Variants in TSPAN8 observed in about 807,000 individuals in gnomAD.
TSPAN8 encodes the protein tetraspanin 8.
A neutral mutation model predicts 32.8 loss-of-function variants in TSPAN8; 21 were observed. That is an observed-to-expected ratio of 0.64 (90% CI 0.45 to 0.92). The LOEUF is 0.92. Among genes scored for constraint, TSPAN8 ranks in the 40% least tolerant of loss-of-function variants. TSPAN8 has a pLI of 0.00. For missense variants in TSPAN8, 269 were observed against 281.9 expected, an observed-to-expected ratio of 0.95 and a Z score of 0.33; for synonymous variants, 95 against 94.6, an observed-to-expected ratio of 1.00 and a Z score of -0.03.
intron 2 of TSPAN8, among the ~76,000 whole-genome samples, chr12:71,154,641 T>C (rs997927266): frequency 6.6e-6 from 1 of 152,226 alleles, no homozygotes; most frequent in Non-Finnish European, 1.5e-5. Context: ...AGATTGCTAC[T>C]GGTTTCAGTG....
chr12:71,141,317 T>G (rs1317775412), intron 3 of TSPAN8, among the ~76,000 whole-genome samples: 1 of 152,210 alleles, frequency 6.6e-6, no homozygotes, highest in Non-Finnish European at 1.5e-5. Context: ...CTCATTAATA[T>G]TAGAGCTAAA....
intron 8 of TSPAN8, 56 bp from the exon 9 acceptor site, chr12:71,125,443 T>C (rs887628501): frequency 3.2e-5 from 45 of 1,402,360 alleles, no homozygotes; most frequent in Non-Finnish European, 3.8e-5. Context: ...ACTGGACACA[T>C]TATAAATAAA....
chr12:71,131,834 T>A (rs970180192), intron 7 of TSPAN8, among the ~76,000 whole-genome samples: 1 of 151,568 alleles, frequency 6.6e-6, no homozygotes, highest in African/African-American at 2.4e-5. Context: ...TGAGATGGGG[T>A]CCCATAACAC....
chr12:71,137,082 G>C (rs1350305792), intron 6 of TSPAN8, among the ~76,000 whole-genome samples: 1 of 151,890 alleles, frequency 6.6e-6, no homozygotes, highest in Non-Finnish European at 1.5e-5. Flanking sequence ...ACCAGTCTAG[G>C]CAACATAGTA....
intron 3 of TSPAN8, among the ~76,000 whole-genome samples, chr12:71,143,185 T>G (rs968132366): frequency 4.6e-5 from 7 of 151,956 alleles, no homozygotes; most frequent in African/African-American, 1.7e-4. Flanking sequence ...AAGAACAAAT[T>G]AATGGCTCTG....
intron 7 of TSPAN8, 21 bp from the exon 8 acceptor site, chr12:71,129,435 TAA>T: frequency 2.6e-6 from 4 of 1,537,106 alleles, no homozygotes; most frequent in Non-Finnish European, 3.5e-6. Flanking sequence ...AAAAAAACAT[TAA>T]AAGTTACCTC....
intron 5 of TSPAN8, 42 bp downstream of exon 5, chr12:71,138,114 T>C: frequency 6.2e-7 from 1 of 1,610,342 alleles, no homozygotes; most frequent in Admixed American, 1.7e-5. Context: ...GTATTTCAAT[T>C]TTTCAAACTT....
At chr12:71,154,620 T>C (rs1165982462) in intron 2 of TSPAN8, among the ~76,000 whole-genome samples, 2 of 152,188 alleles carry the variant, frequency 1.3e-5, no homozygotes, top group African/African-American at 4.8e-5. Context: ...TTTAACTGTT[T>C]CATTATTTGA....
chr12:71,134,184 G>A (rs1871608437), intron 6 of TSPAN8, among the ~76,000 whole-genome samples: 1 of 152,142 alleles, frequency 6.6e-6, no homozygotes, highest in Non-Finnish European at 1.5e-5. Context: ...GAAAATCCAT[G>A]TAAAGATAAG....
rs911021110 is a variant in TSPAN8, at chr12:71,144,080, G to A, written c.123+71C>T. 3.0e-5 allele frequency: 41 copies of A among 1,355,388 alleles called. No homozygotes were observed. In the African/African-American group the frequency reaches 4.3e-4, roughly 14 times the overall value. 84.0% of individuals were successfully genotyped at this position (1,355,388 alleles called of 1,614,324 possible). ...TTTAGACATGTTTATTACTATTATTGTTATAACTTTCATTATTATAAATGA... is the reference window on the plus strand; with the variant it reads ...TTTAGACATGTTTATTACTATTATTATTATAACTTTCATTATTATAAATGA... On this transcript the variant is annotated intron_variant, in intron 3 of 8. Transcript: ENST00000247829.
At chr12:71,133,955 T>C (rs1158854808) in intron 6 of TSPAN8, among the ~76,000 whole-genome samples, 1 of 152,216 alleles carries the variant, frequency 6.6e-6, no homozygotes, top group African/African-American at 2.4e-5. Flanking sequence ...TTTTCCCAGC[T>C]CTGATACATT....
At chr12:71,148,534 C>G (rs1872146126) in intron 2 of TSPAN8, among the ~76,000 whole-genome samples, 1 of 152,158 alleles carries the variant, frequency 6.6e-6, no homozygotes, top group African/African-American at 2.4e-5. Flanking sequence ...CACTTGCCAT[C>G]TGCATACAGG....
intron 4 of TSPAN8, chr12:71,139,140 C>T (rs1871810097): frequency 2.2e-6 from 1 of 456,094 alleles, no homozygotes; most frequent in South Asian, 1.5e-5. Flanking sequence ...TATGATTTTA[C>T]CACAACCCAC....
intron 6 of TSPAN8, among the ~76,000 whole-genome samples, chr12:71,137,563 G>A (rs1188757332): frequency 6.6e-6 from 1 of 151,382 alleles, no homozygotes; most frequent in African/African-American, 2.4e-5. Context: ...TTGCACCACT[G>A]CACTCCAGCC....
chr12:71,142,847 CA>C (rs370834723), intron 3 of TSPAN8, among the ~76,000 whole-genome samples: 31 of 131,616 alleles, frequency 2.4e-4, no homozygotes, highest in East Asian at 6.7e-4. Context: ...AGGAAAAAAA[CA>C]AAAAAAAAAA....
chr12:71,126,141 A>AATGG (rs1871343312), intron 8 of TSPAN8, among the ~76,000 whole-genome samples: 1 of 152,060 alleles, frequency 6.6e-6, no homozygotes, highest in Non-Finnish European at 1.5e-5. Context: ...GCCCCTTTTG[A>AATGG]AGGGAGGATG....
At chr12:71,134,914 G>A (rs1470222920) in intron 6 of TSPAN8, among the ~76,000 whole-genome samples, 4 of 152,190 alleles carry the variant, frequency 2.6e-5, no homozygotes, top group Non-Finnish European at 5.9e-5. Context: ...CTTGTTGACA[G>A]TGGTGTAACA....
rs1176829925 is a variant in TSPAN8 at position 71,139,593 on chromosome 12, G to C, written c.261+118C>G. 2.2e-6 allele frequency: 3 copies of C among 1,346,876 alleles called. No homozygotes were observed. In the African/African-American group the frequency reaches 4.4e-5, roughly 20 times the overall value. The allele number at this position is 1,346,876 out of a possible 1,614,324, so 83.4% of individuals were successfully genotyped here. ...AGCTTCCACAATCAAACCTTCTAAA[G>C]AGAAGTTGGAGTTAGAGTTTCATCA... is the stretch of plus-strand genomic sequence containing the variant. On this transcript the variant is annotated intron_variant, in intron 4 of 8. Transcript: ENST00000247829.
At chr12:71,150,345 G>A (rs1209553204) in intron 2 of TSPAN8, among the ~76,000 whole-genome samples, 5 of 151,976 alleles carry the variant, frequency 3.3e-5, no homozygotes, top group South Asian at 4.1e-4. Flanking sequence ...TTCTGATTTC[G>A]TCCTTGTCCT....
Sources: gnomAD v4.1 joint callset for allele counts (sites outside exome capture counted in the v4.1 genomes callset) on GRCh38, gnomAD v4.1.1 for gene constraint, MANE v1.5 for transcripts, NCBI Gene and HGNC (gene_info 2026-07-23, HGNC 2026-07-21) for gene names.